ZNF131: variants seen among roughly 807,000 people sequenced by gnomAD.
ZNF131 encodes the protein zinc finger and BTB domain containing 35, also known as zinc finger protein 131.
In ZNF131, 7 loss-of-function variants were observed where a neutral mutation model predicts 60.0. That is an observed-to-expected ratio of 0.12 (90% CI 0.07 to 0.22). The LOEUF (loss-of-function observed/expected upper bound fraction) is 0.22. Ranked by LOEUF, ZNF131 falls within the 10% of genes least tolerant of loss-of-function variation. ZNF131 has a pLI of 1.00. For synonymous variants in ZNF131, 257 were observed against 253.2 expected, an observed-to-expected ratio of 1.01 and a Z score of -0.14; for missense variants, 493 against 740.9, an observed-to-expected ratio of 0.67 and a Z score of 3.88.
At chr5:43,143,898 C>CTTTTTTTTTTT (rs79246574) in intron 4 of ZNF131, among the ~76,000 whole-genome samples, 1 of 34,994 alleles carries the variant, frequency 2.9e-5, no homozygotes, top group African/African-American at 1.2e-4. Context: ...ATTGTCAGAG[C>CTTTTTTTTTTT]TTTTTTTTTT....
intron 4 of ZNF131, among the ~76,000 whole-genome samples, chr5:43,152,776 C>A (rs945945213): frequency 6.6e-6 from 1 of 151,764 alleles, no homozygotes; most frequent in Non-Finnish European, 1.5e-5. Context: ...CCCAGCTAAT[C>A]TTTTATAATT....
chr5:43,143,265 C>G, intron 4 of ZNF131: 1 of 579,732 alleles, frequency 1.7e-6, no homozygotes, highest in Non-Finnish European at 2.4e-6. Flanking sequence ...TTGTGATCTG[C>G]CCGCCTCTGC....
intron 4 of ZNF131, among the ~76,000 whole-genome samples, chr5:43,140,160 G>T (rs1746628272): frequency 6.6e-6 from 1 of 152,188 alleles, no homozygotes; most frequent in Non-Finnish European, 1.5e-5. Context: ...GGTTGTGGCT[G>T]CAGCGAGCTG....
chr5:43,129,053 C>T lies in ZNF131; in HGVS notation c.226+5743C>T, dbSNP rs113369434. 1.4e-4 allele frequency among the ~76,000 whole-genome samples: 21 copies of T among 152,248 alleles called. 1 individual carries two copies. Among genetic ancestry groups the T allele is most frequent in the African/African-American group, 5.1e-4 (21 of 41,520 alleles). On this transcript the variant is annotated intron_variant, in intron 3 of 6. Transcript: ENST00000682664. ...GGTTCAAGCAATTTTCATGCCTCAG[C>T]CTCACAAGTAGCTGGAATTAAGGCT...
intron 1 of ZNF131, chr5:43,121,743 C>A (rs1379691708): frequency 5.0e-6 from 1 of 201,802 alleles, no homozygotes; most frequent in Non-Finnish European, 1.0e-5. Flanking sequence ...GAGTCCCCTC[C>A]CTTGTTGGAC....
intron 6 of ZNF131, 41 bp from the exon 7 acceptor site, chr5:43,174,406 G>C: frequency 4.8e-6 from 7 of 1,463,492 alleles, no homozygotes; most frequent in Non-Finnish European, 6.4e-6. Flanking sequence ...CCTTCAGTTT[G>C]GATATAAGTA....
chr5:43,126,376 A>G (rs1186086165), intron 3 of ZNF131, among the ~76,000 whole-genome samples: 3 of 152,128 alleles, frequency 2.0e-5, no homozygotes, highest in Non-Finnish European at 4.4e-5. Context: ...AAACCTTCGT[A>G]TTGCTGTTCA....
rs763173247 is a variant in ZNF131, at chr5:43,139,140, G to T, written c.227-25G>T. The T allele has an allele frequency of 7.9e-6, 12 of 1,524,830 alleles. No homozygotes were observed. In the South Asian group the frequency reaches 1.6e-4, roughly 21 times the overall value. 94.5% of individuals were successfully genotyped at this position (1,524,830 alleles called of 1,614,324 possible). A position where few individuals can be genotyped will look rare whatever the true frequency, so the allele number is the denominator to read the frequency against. On this transcript the variant is annotated intron_variant, in intron 3 of 6. Transcript: ENST00000682664. Reference sequence around the variant, plus strand: ...AAGATTTGAGTCAATATGATTACATGCTCTAATGTACATCTTCTTTACAGG... The same window carrying T: ...AAGATTTGAGTCAATATGATTACATTCTCTAATGTACATCTTCTTTACAGG...
rs1373862361 is a variant in ZNF131, at chr5:43,121,838, G to C, written c.-15-201G>C. 9 of 454,478 alleles carry C rather than the reference G, an allele frequency of 2.0e-5. No individual in the cohort carries two copies. The Admixed American group carries it at 2.5e-4, about 13-fold the overall frequency. The allele number at this position is 454,478 out of a possible 1,614,324, so 28.2% of individuals were successfully genotyped here. A position where few individuals can be genotyped will look rare whatever the true frequency, so the allele number is the denominator to read the frequency against. ...TCCCGACTCCAATTAGGTCAGGCTC[G>C]GAGTCCCGCGGCCGCGGCTCCGGTC... On this transcript the variant is annotated intron_variant, in intron 1 of 6. Coordinates refer to ENST00000682664, the MANE Select transcript of ZNF131 (RefSeq NM_001330707.2).
intron 1 of ZNF131, chr5:43,121,552 C>G (rs1025612706): frequency 6.6e-6 from 1 of 152,650 alleles, no homozygotes; most frequent in East Asian, 1.9e-4. Flanking sequence ...AAGCCTGGGC[C>G]GCTCCTCCTT....
chr5:43,135,038 G>T (rs978505007), intron 3 of ZNF131, among the ~76,000 whole-genome samples: 2 of 145,706 alleles, frequency 1.4e-5, no homozygotes, highest in South Asian at 2.2e-4. Flanking sequence ...TGCTCTTGTT[G>T]CCCCGGCTGG....
chr5:43,152,547 A>G (rs1579829783), intron 4 of ZNF131, among the ~76,000 whole-genome samples: 1 of 152,182 alleles, frequency 6.6e-6, no homozygotes, highest in African/African-American at 2.4e-5. Flanking sequence ...GAGACCTGCA[A>G]CTGAGCATTT....
intron 4 of ZNF131, among the ~76,000 whole-genome samples, chr5:43,148,169 C>G (rs934680844): frequency 2.8e-5 from 4 of 140,968 alleles, no homozygotes; most frequent in African/African-American, 1.1e-4. Context: ...CCCAGGAGTT[C>G]AAGACCAGCC....
intron 4 of ZNF131, among the ~76,000 whole-genome samples, chr5:43,148,376 C>G (rs574104591): frequency 1.3e-5 from 2 of 152,174 alleles, no homozygotes; most frequent in African/African-American, 2.4e-5. Context: ...GAGACCCTGT[C>G]TCAAAATAAA....
chr5:43,146,950 A>G (rs911642077), intron 4 of ZNF131, among the ~76,000 whole-genome samples: 5 of 152,166 alleles, frequency 3.3e-5, no homozygotes, highest in African/African-American at 9.7e-5. Context: ...CACCACCACA[A>G]TCAAGATCAG....
At chr5:43,147,021 C>G (rs569175263) in intron 4 of ZNF131, among the ~76,000 whole-genome samples, 11 of 152,304 alleles carry the variant, frequency 7.2e-5, no homozygotes, top group African/African-American at 2.4e-4. Context: ...ATCCTGATCT[C>G]TAGCCCCAGG....
chr5:43,143,532 G>A, intron 4 of ZNF131: 1 of 593,454 alleles, frequency 1.7e-6, no homozygotes, highest in Admixed American at 3.5e-5. Flanking sequence ...GTTTCTTATT[G>A]TTGTTACTGG....
chr5:43,162,651 C>T (rs1749849857), intron 5 of ZNF131, among the ~76,000 whole-genome samples: 1 of 150,646 alleles, frequency 6.6e-6, no homozygotes, highest in African/African-American at 2.4e-5. Flanking sequence ...CGCCTGTAAT[C>T]CCAACACTTT....
At chr5:43,160,925 C>G (rs1749613503) in intron 4 of ZNF131, among the ~76,000 whole-genome samples, 1 of 152,144 alleles carries the variant, frequency 6.6e-6, no homozygotes, top group Admixed American at 6.5e-5. Context: ...AGGTGATCCA[C>G]CTGCCTTGGC....
Sources: allele counts gnomAD v4.1 joint callset (sites outside exome capture counted in the v4.1 genomes callset), GRCh38; gene constraint gnomAD v4.1.1; transcripts MANE v1.5; gene names NCBI Gene and HGNC (gene_info 2026-07-23, HGNC 2026-07-21).